Variants in MKRN1 observed in about 807,000 individuals in gnomAD.
MKRN1 encodes makorin ring finger protein 1.
MKRN1 carries 9 observed loss-of-function variants against 55.5 expected under a neutral mutation model. The ratio of observed to expected loss-of-function variants is 0.16; its 90% confidence interval spans 0.10 to 0.28. MKRN1 has a LOEUF of 0.28. MKRN1 is among the 10% of genes least tolerant of loss of function. The pLI is 1.00. For synonymous variants in MKRN1, 253 were observed against 235.9 expected (o/e 1.07, Z -0.66); for missense variants, 488 against 626.7 (o/e 0.78, Z 2.36).
At chr7:140,455,553 G>A (rs1366019457) in intron 6 of MKRN1, 1 of 557,366 alleles carries the variant, frequency 1.8e-6, no homozygotes. Flanking sequence ...CCACTCATGG[G>A]GCCTTACTTG....
At chr7:140,468,049 A>T (rs916315424) in intron 2 of MKRN1, among the ~76,000 whole-genome samples, 1 of 151,124 alleles carries the variant, frequency 6.6e-6, no homozygotes. Context: ...GATTTCTTCA[A>T]TTTAACCTTC....
chr7:140,465,022 C>T (rs1270693457), intron 2 of MKRN1, among the ~76,000 whole-genome samples: 1 of 152,196 alleles, frequency 6.6e-6, no homozygotes, highest in Non-Finnish European at 1.5e-5. Context: ...CTCAAGCCAT[C>T]TTCCCCGCCC....
chr7:140,474,001 A>AGAAG (rs1554450277), intron 1 of MKRN1, among the ~76,000 whole-genome samples: 1 of 103,316 alleles, frequency 9.7e-6, no homozygotes, highest in African/African-American at 4.4e-5. Flanking sequence ...TCAAAAAAAA[A>AGAAG]AAAAAAAGAA....
intron 3 of MKRN1, 113 bp downstream of exon 3, chr7:140,459,592 TAA>T: frequency 1.9e-6 from 2 of 1,042,912 alleles, no homozygotes; most frequent in Non-Finnish European, 2.8e-6. Context: ...AGTACTGTAC[TAA>T]GATTAAACTA....
chr7:140,459,309 C>CA (rs1794552407), intron 3 of MKRN1, 76 bp from the exon 4 acceptor site: 2 of 1,426,188 alleles, frequency 1.4e-6, no homozygotes, highest in Non-Finnish European at 1.9e-6. Context: ...AATCTAACCG[C>CA]AAAAAATGAA....
rs201584159 is a variant in MKRN1 at position 140,466,938 on chromosome 7, G to GAAAC, written c.314+4941_314+4944dup. ...AAGACCAGATCTCAAAACAAAGAAA[G>GAAAC]AAACAAACAACAAACCAATTAAGGT... is the stretch of plus-strand genomic sequence containing the variant. On this transcript the variant is annotated intron_variant, in intron 2 of 7. Coordinates refer to ENST00000255977, the MANE Select transcript of MKRN1 (RefSeq NM_013446.4). Among the ~76,000 whole-genome samples the GAAAC allele has an allele frequency of 1.0e-2, 1,494 of 149,820 alleles. 23 individuals are homozygous for GAAAC. Among genetic ancestry groups the GAAAC allele is most frequent in the African/African-American group, 0.033 (1,368 of 40,858 alleles).
chr7:140,477,222 C>T (rs561269207), intron 1 of MKRN1, among the ~76,000 whole-genome samples: 1 of 152,012 alleles, frequency 6.6e-6, no homozygotes, highest in African/African-American at 2.4e-5. Flanking sequence ...AAACCCCAGA[C>T]CTATCAAGGA....
chr7:140,458,606 T>C (rs1794532759), intron 4 of MKRN1, among the ~76,000 whole-genome samples: 1 of 152,182 alleles, frequency 6.6e-6, no homozygotes, highest in Non-Finnish European at 1.5e-5. Context: ...TAAAAACCAA[T>C]GAAATGTGCA....
chr7:140,463,757 C>G (rs572491041), intron 2 of MKRN1, among the ~76,000 whole-genome samples: 28 of 151,940 alleles, frequency 1.8e-4, no homozygotes, highest in African/African-American at 6.8e-4. Context: ...TGGTGGCAGG[C>G]GCCTGTAGTC....
rs1794971699 is a variant in MKRN1, at chr7:140,472,763, C to CA, written c.186-753dup. 2.7e-5 allele frequency among the ~76,000 whole-genome samples: 4 copies of CA among 149,696 alleles called. No homozygotes were observed. In the South Asian group the frequency reaches 8.5e-4, roughly 32 times the overall value. On this transcript the variant is annotated intron_variant, in intron 1 of 7. Coordinates refer to ENST00000255977, the MANE Select transcript of MKRN1 (RefSeq NM_013446.4). ...ATGGAGCACGACTATGACTCTGTCT[C>CA]AAAAAAATGTAATAATAATACGCCT...
At chr7:140,468,352 T>C (rs1172939445) in intron 2 of MKRN1, among the ~76,000 whole-genome samples, 1 of 152,122 alleles carries the variant, frequency 6.6e-6, no homozygotes, top group Non-Finnish European at 1.5e-5. Context: ...CCATTCACCA[T>C]TGCAGTGTGA....
At chr7:140,476,386 C>T (rs543292870) in intron 1 of MKRN1, among the ~76,000 whole-genome samples, 2 of 146,858 alleles carry the variant, frequency 1.4e-5, no homozygotes, top group African/African-American at 5.2e-5. Context: ...GCAGGAGAAT[C>T]GCTTGAACCC....
At chr7:140,479,519 C>G (rs117397064), upstream of MKRN1, 808 of 629,708 alleles carry the variant, frequency 1.3e-3, 12 homozygotes, top group East Asian at 0.026. Flanking sequence ...ACTTCAACTG[C>G]GGGCCCAGAG....
In MKRN1 at chr7:140,462,683, G is replaced by T. The variant is rs372215010; in HGVS notation, c.315-2747C>A. Among the ~76,000 whole-genome samples the T allele has an allele frequency of 7.2e-5, 11 of 152,084 alleles. No individual in the cohort carries two copies. The East Asian group carries it at 2.1e-3, about 29-fold the overall frequency. On this transcript the variant is annotated intron_variant, in intron 2 of 7. Transcript: ENST00000255977. ...GTCTCTACTAAAAATAAAAAAATTA[G>T]GCAGGGCGCAGTGGCTCACGCCTGT...
intron 2 of MKRN1, among the ~76,000 whole-genome samples, chr7:140,471,210 C>T (rs1271113851): frequency 1.3e-5 from 2 of 151,888 alleles, no homozygotes; most frequent in African/African-American, 4.8e-5. Flanking sequence ...ATATTAAGAC[C>T]CCCATCTCTA....
chr7:140,478,124 T>A (rs1250981199), intron 1 of MKRN1: 1 of 152,238 alleles, frequency 6.6e-6, no homozygotes, highest in East Asian at 1.9e-4. Context: ...TTAGGAATCA[T>A]TTTTACATAC....
rs775884934 is a variant in MKRN1 at position 140,456,776 on chromosome 7, C to T, written c.862G>A (p.Val288Ile). The stretch of plus-strand genomic sequence containing the variant: ...TCACTGGGGTTGGCTTTCTCATAGA[C>T]CACCTCCATGCAGATCCCACACACC... ...DMVCGICMEV[V>I]YEKANPSERR... The change falls in exon 5 of 8, where the codon GTC becomes ATC. Residue 288 changes from valine to isoleucine, a missense_variant. Transcript: ENST00000255977. 6.2e-7 allele frequency: 1 copy of T among 1,614,034 alleles called. No homozygotes were observed. The highest frequency in any genetic ancestry group is 1.1e-5 in the South Asian group (1 of 91,074).
chr7:140,462,331 T>C (rs979823889), intron 2 of MKRN1, among the ~76,000 whole-genome samples: 3 of 152,248 alleles, frequency 2.0e-5, no homozygotes, highest in African/African-American at 7.2e-5. Context: ...CACCGAGTTT[T>C]ATTCAGATGC....
chr7:140,467,159 TAG>T (rs1189519541), intron 2 of MKRN1, among the ~76,000 whole-genome samples: 1 of 151,972 alleles, frequency 6.6e-6, no homozygotes, highest in Admixed American at 6.6e-5. Context: ...GTATTTTTGG[TAG>T]AGACGGGGTT....
Sources: allele counts gnomAD v4.1 joint callset (sites outside exome capture counted in the v4.1 genomes callset), GRCh38; gene constraint gnomAD v4.1.1; transcripts MANE v1.5; gene names NCBI Gene and HGNC (gene_info 2026-07-23, HGNC 2026-07-21).